Variants in ADCY2 observed in about 807,000 individuals in gnomAD.
The protein encoded by ADCY2 is adenylate cyclase type 2.
Under a neutral mutation model 125.2 loss-of-function variants are expected in ADCY2, and 31 were observed. That is an observed-to-expected ratio of 0.25 (90% CI 0.19 to 0.33). ADCY2 has a LOEUF of 0.33. ADCY2 is among the 10% of genes least tolerant of loss of function. ADCY2 has a pLI of 1.00. For missense variants in ADCY2, 904 were observed against 1,418.2 expected (o/e 0.64, Z 5.82); for synonymous variants, 512 against 548.4 (o/e 0.93, Z 0.93).
chr5:7,397,507 G>C (rs983088540), intron 1 of ADCY2, among the ~76,000 whole-genome samples: 1 of 147,362 alleles, frequency 6.8e-6, no homozygotes, highest in Non-Finnish European at 1.5e-5. Flanking sequence ...TGTCCACTGG[G>C]TGATGTATTT....
intron 2 of ADCY2, among the ~76,000 whole-genome samples, chr5:7,482,570 G>A (rs1742770398): frequency 6.6e-6 from 1 of 151,806 alleles, no homozygotes; most frequent in Admixed American, 6.6e-5. Context: ...ACAACAGTAT[G>A]GAGGTTTCTC....
intron 2 of ADCY2, among the ~76,000 whole-genome samples, chr5:7,505,409 A>G (rs1245904426): frequency 6.6e-6 from 1 of 152,228 alleles, no homozygotes; most frequent in Non-Finnish European, 1.5e-5. Context: ...CTGGTGCAGT[A>G]GGCAGTGGTG....
At chr5:7,569,710 C>G (rs1263926305) in intron 3 of ADCY2, among the ~76,000 whole-genome samples, 1 of 152,108 alleles carries the variant, frequency 6.6e-6, no homozygotes, top group African/African-American at 2.4e-5. Flanking sequence ...CAGTATGACT[C>G]TGACTTCCTG....
intron 4 of ADCY2, among the ~76,000 whole-genome samples, chr5:7,690,212 G>A (rs994020106): frequency 2.6e-5 from 4 of 152,116 alleles, no homozygotes; most frequent in South Asian, 2.1e-4. Context: ...TAGAGGAAAC[G>A]AAATCTTTGG....
chr5:7,825,790 G>A (rs939110111), intron 24 of ADCY2, among the ~76,000 whole-genome samples: 2 of 152,196 alleles, frequency 1.3e-5, no homozygotes, highest in African/African-American at 4.8e-5. Flanking sequence ...CCAGGCAGGC[G>A]CGGGCCCACA....
At chr5:7,428,909 G>A (rs948769152) in intron 2 of ADCY2, among the ~76,000 whole-genome samples, 4 of 152,186 alleles carry the variant, frequency 2.6e-5, no homozygotes, top group African/African-American at 9.7e-5. Flanking sequence ...CCCAAACAGA[G>A]CCCAGCTAAT....
At position 7,624,801 on chromosome 5, in the gene ADCY2, A is replaced by G. The variant is rs114406681; in HGVS notation, c.571-1366A>G. ...AGATTCTTAGGGAGGAGCATAGGAT[A>G]TTCGGAACTGATGCCACTGACTTGT... On this transcript the variant is annotated intron_variant, in intron 3 of 24. Transcript: ENST00000338316. Among the ~76,000 whole-genome samples, 1,151 of 152,212 alleles carry G rather than the reference A, an allele frequency of 7.6e-3. 15 individuals carry two copies. Among genetic ancestry groups the G allele is most frequent in the African/African-American group, 0.026 (1,097 of 41,534 alleles).
intron 3 of ADCY2, among the ~76,000 whole-genome samples, chr5:7,589,506 G>GAAAGAAAGAAAAGAAAAGAAAAGA (rs530283052): frequency 1.5e-4 from 14 of 93,902 alleles, no homozygotes; most frequent in African/African-American, 4.3e-4. Flanking sequence ...AAGAAAGAAA[G>GAAAGAAAGAAAAGAAAAGAAAAGA]AAAGAAAAGA....
intron 14 of ADCY2, among the ~76,000 whole-genome samples, chr5:7,737,886 A>G (rs900510611): frequency 6.6e-6 from 1 of 152,202 alleles, no homozygotes; most frequent in Non-Finnish European, 1.5e-5. Context: ...AGACACTTGA[A>G]CATCTTTAAA....
chr5:7,661,470 A>G (rs980247959), intron 4 of ADCY2, among the ~76,000 whole-genome samples: 1 of 152,248 alleles, frequency 6.6e-6, no homozygotes. Flanking sequence ...AATTATATTA[A>G]ATGCAAGTGG....
Position 7,690,780 on chromosome 5 carries a change from C to A in ADCY2, c.810C>A (p.Gly270=). ...IIQRLQGPKA[G]QMENTNNFHN... ...AGAGGCTGCAGGGCCCCAAGGCGGGCCAGATGGAGAACACAAATAACTTCC... is the reference window on the plus strand; with the variant it reads ...AGAGGCTGCAGGGCCCCAAGGCGGGACAGATGGAGAACACAAATAACTTCC... The change falls in exon 5 of 25, where the codon GGC becomes GGA. Residue 270 remains glycine, a synonymous_variant. Transcript: ENST00000338316. 1 of 1,609,930 alleles carries A rather than the reference C, an allele frequency of 6.2e-7. No individual in the cohort carries two copies. Among genetic ancestry groups the A allele is most frequent in the East Asian group, 2.3e-5 (1 of 44,382 alleles).
At chr5:7,586,604 G>C (rs192780598) in intron 3 of ADCY2, among the ~76,000 whole-genome samples, 1 of 151,954 alleles carries the variant, frequency 6.6e-6, no homozygotes, top group African/African-American at 2.4e-5. Context: ...CTAATGAGCC[G>C]CTGACAGGAG....
intron 3 of ADCY2, among the ~76,000 whole-genome samples, chr5:7,619,679 T>C (rs1391275673): frequency 1.3e-5 from 2 of 152,216 alleles, no homozygotes; most frequent in Admixed American, 6.5e-5. Flanking sequence ...GATTGTTCTG[T>C]GTGCTTGAAG....
chr5:7,664,408 C>A (rs1232954429), intron 4 of ADCY2, among the ~76,000 whole-genome samples: 1 of 152,180 alleles, frequency 6.6e-6, no homozygotes, highest in Middle Eastern at 3.2e-3. Context: ...AGGACTTTCC[C>A]TTCAGGAATG....
At chr5:7,403,828 T>G (rs2111444324) in intron 1 of ADCY2, among the ~76,000 whole-genome samples, 1 of 152,300 alleles carries the variant, frequency 6.6e-6, no homozygotes, top group East Asian at 1.9e-4. Context: ...TTCAATTACT[T>G]TCTTCATATC....
At chr5:7,529,049 A>G (rs1432698429) in intron 3 of ADCY2, among the ~76,000 whole-genome samples, 1 of 152,242 alleles carries the variant, frequency 6.6e-6, no homozygotes, top group Non-Finnish European at 1.5e-5. Context: ...CTTGACTTCA[A>G]CAAGAGCACT....
At chr5:7,754,362 T>C (rs1047157464) in intron 15 of ADCY2, among the ~76,000 whole-genome samples, 1 of 152,222 alleles carries the variant, frequency 6.6e-6, no homozygotes, top group African/African-American at 2.4e-5. Flanking sequence ...TAATTGACAG[T>C]GATATGCAAT....
rs1407593601 is a variant in ADCY2, at chr5:7,706,663, T to C, written c.1110-81T>C. On this transcript the variant is annotated intron_variant, in intron 7 of 24. Transcript: ENST00000338316. ...CGACAGTTTGAAAAATTCTGAATAATAAAATACTGGGAAAATTGGCCAAGA... is the reference window on the plus strand; with the variant it reads ...CGACAGTTTGAAAAATTCTGAATAACAAAATACTGGGAAAATTGGCCAAGA... 59 of 1,520,138 alleles carry C rather than the reference T, an allele frequency of 3.9e-5. No individual in the cohort carries two copies. In the South Asian group the frequency reaches 4.8e-4, roughly 12 times the overall value. 94.2% of individuals were successfully genotyped at this position (1,520,138 alleles called of 1,614,324 possible).
intron 4 of ADCY2, among the ~76,000 whole-genome samples, chr5:7,673,142 C>T (rs1739989183): frequency 6.9e-6 from 1 of 144,032 alleles, no homozygotes; most frequent in Non-Finnish European, 1.5e-5. Flanking sequence ...GTGGCTCGTG[C>T]CTATAATCCC....
Sources: gnomAD v4.1 joint callset for allele counts (sites outside exome capture counted in the v4.1 genomes callset) on GRCh38, gnomAD v4.1.1 for gene constraint, MANE v1.5 for transcripts, NCBI Gene and HGNC (gene_info 2026-07-23, HGNC 2026-07-21) for gene names.